The following SLC9A7 variants were observed in gnomAD, a reference collection of about 807,000 sequenced individuals.
SLC9A7 encodes sodium/hydrogen exchanger 7.
In SLC9A7, 19 loss-of-function variants were observed where a neutral mutation model predicts 52.6. The ratio of observed to expected loss-of-function variants is 0.36; its 90% CI spans 0.25 to 0.53. The LOEUF is 0.53. Ranked by LOEUF, SLC9A7 falls within the 20% of genes least tolerant of loss-of-function variation. The pLI is 0.91. For synonymous variants in SLC9A7, 226 were observed against 252.1 expected (o/e 0.90, Z 0.98); for missense variants, 455 against 597.9 (o/e 0.76, Z 2.49).
intron 5 of SLC9A7, among the ~76,000 whole-genome samples, chrX:46,663,774 A>G (rs1270474285): frequency 9.0e-6 from 1 of 110,966 alleles, no homozygotes; most frequent in Non-Finnish European, 1.9e-5. Flanking sequence ...AGCCAGACCA[A>G]CATGGAGAAA....
At chrX:46,625,713 C>CAAAAAAAAA (rs756504189) in intron 14 of SLC9A7, among the ~76,000 whole-genome samples, 1 of 45,103 alleles carries the variant, frequency 2.2e-5, no homozygotes, top group Non-Finnish European at 3.9e-5. Context: ...GTCTCTCTCT[C>CAAAAAAAAA]AAAAAAAAAA....
chrX:46,698,340 A>C (rs1944479697), intron 1 of SLC9A7, among the ~76,000 whole-genome samples: 1 of 111,434 alleles, frequency 9.0e-6, no homozygotes, highest in Non-Finnish European at 1.9e-5. Context: ...GCCCAGCTTT[A>C]AAATTTCTCT....
chrX:46,751,258 G>C (rs1237246700), intron 1 of SLC9A7, among the ~76,000 whole-genome samples: 1 of 111,249 alleles, frequency 9.0e-6, no homozygotes, highest in African/African-American at 3.3e-5. Context: ...CGTAGAGACA[G>C]CCACCTGCCA....
chrX:46,669,788 T>C lies in SLC9A7; in HGVS notation c.681-69A>G, dbSNP rs755138051. 1.2e-5 allele frequency: 6 copies of C among 502,734 alleles called. No individual in the cohort carries two copies. In the African/African-American group the frequency reaches 1.2e-4, roughly 10 times the overall value. 41.4% of individuals were successfully genotyped at this position (502,734 alleles called of 1,213,427 possible). On this transcript the variant is annotated intron_variant, in intron 4 of 16. Transcript: ENST00000616978. The stretch of plus-strand genomic sequence containing the variant: ...TAACTTAGCAAACACGCAAGCAGAA[T>C]AGCACTAGAATGCTGCTCTTAGAGA...
chrX:46,648,067 C>T lies in SLC9A7; in HGVS notation c.1462+619G>A, dbSNP rs1473724183. Among the ~76,000 whole-genome samples the T allele has an allele frequency of 3.6e-5, 4 of 112,495 alleles. No individual in the cohort carries two copies. The Admixed American group carries it at 3.7e-4, about 11-fold the overall frequency. On this transcript the variant is annotated intron_variant, in intron 11 of 16. Coordinates refer to ENST00000616978, the MANE Select transcript of SLC9A7 (RefSeq NM_001257291.2). ...AGCTTTCTTTATTGTCCTTTGTCCC[C>T]TCAGTGGCTTCTCCAGACTTCTCAG...
At chrX:46,642,121 C>CA (rs1943415298) in intron 12 of SLC9A7, among the ~76,000 whole-genome samples, 1 of 111,899 alleles carries the variant, frequency 8.9e-6, no homozygotes, top group Non-Finnish European at 1.9e-5. Context: ...AACATCTATA[C>CA]AAAAACCCCA....
At chrX:46,673,547 T>C (rs942177459) in intron 3 of SLC9A7, among the ~76,000 whole-genome samples, 3 of 112,001 alleles carry the variant, frequency 2.7e-5, no homozygotes, top group African/African-American at 6.5e-5. Context: ...ATCAGAACTA[T>C]TTAACAAAAA....
intron 1 of SLC9A7, among the ~76,000 whole-genome samples, chrX:46,727,482 C>T (rs1944963498): frequency 8.9e-6 from 1 of 112,318 alleles, no homozygotes; most frequent in African/African-American, 3.2e-5. Context: ...TCCTTATACA[C>T]ATGAAATATT....
intron 1 of SLC9A7, among the ~76,000 whole-genome samples, chrX:46,703,849 T>G (rs1453375755): frequency 8.9e-6 from 1 of 111,876 alleles, no homozygotes; most frequent in Non-Finnish European, 1.9e-5. Context: ...GGTTTATAAA[T>G]GTATCATAAT....
chrX:46,633,951 C>G (rs1028356182), intron 13 of SLC9A7, among the ~76,000 whole-genome samples: 3 of 111,474 alleles, frequency 2.7e-5, no homozygotes, highest in Non-Finnish European at 5.7e-5. Context: ...GGATTACAGG[C>G]GTGAGCCACC....
At chrX:46,688,187 T>C (rs1944325582) in intron 1 of SLC9A7, among the ~76,000 whole-genome samples, 1 of 112,304 alleles carries the variant, frequency 8.9e-6, no homozygotes, top group African/African-American at 3.2e-5. Context: ...CTAGAGTAGA[T>C]ACCTAGGAGT....
At chrX:46,730,334 G>A (rs893526480) in intron 1 of SLC9A7, among the ~76,000 whole-genome samples, 3 of 109,742 alleles carry the variant, frequency 2.7e-5, no homozygotes, top group African/African-American at 9.9e-5. Context: ...AGAAAATAAA[G>A]GAAATCTAGA....
chrX:46,652,219 C>T (rs1023541287), intron 8 of SLC9A7, among the ~76,000 whole-genome samples: 7 of 111,541 alleles, frequency 6.3e-5, no homozygotes, highest in Non-Finnish European at 1.3e-4. Context: ...GGCATGATCT[C>T]GGCTCACTGC....
Position 46,758,016 on chromosome X carries a change from T to C in SLC9A7, c.325+689A>G, listed in dbSNP as rs1378206518. Among the ~76,000 whole-genome samples the C allele has an allele frequency of 1.5e-4, 17 of 111,663 alleles. 1 individual carries two copies. Among genetic ancestry groups the C allele is most frequent in the Non-Finnish European group, 3.2e-4 (17 of 53,116 alleles). On this transcript the variant is annotated intron_variant, in intron 1 of 16. Coordinates refer to ENST00000616978, the MANE Select transcript of SLC9A7 (RefSeq NM_001257291.2). ...GTCTTAGGAATACAAAAGCTCCTCTTCGTTTGAGAAAGCAAGTAACTGGGT... is the reference window on the plus strand; with the variant it reads ...GTCTTAGGAATACAAAAGCTCCTCTCCGTTTGAGAAAGCAAGTAACTGGGT...
chrX:46,646,065 G>A (rs1943486306), intron 11 of SLC9A7, among the ~76,000 whole-genome samples: 1 of 111,764 alleles, frequency 8.9e-6, no homozygotes, highest in African/African-American at 3.3e-5. Context: ...TGGGGTCAGG[G>A]AGGAAACTGT....
chrX:46,720,580 A>G (rs1944844774), intron 1 of SLC9A7, among the ~76,000 whole-genome samples: 1 of 110,969 alleles, frequency 9.0e-6, no homozygotes, highest in African/African-American at 3.3e-5. Flanking sequence ...TCCATGGGAA[A>G]AAAAAAAATC....
intron 5 of SLC9A7, among the ~76,000 whole-genome samples, 183 bp downstream of exon 5, chrX:46,669,424 A>G (rs746601754): frequency 6.4e-5 from 7 of 109,685 alleles, no homozygotes; most frequent in Admixed American, 9.9e-5. Context: ...AAAAGGAAAA[A>G]GGAAAAGAAA....
intron 1 of SLC9A7, among the ~76,000 whole-genome samples, chrX:46,692,801 G>A (rs1757172213): frequency 9.0e-6 from 1 of 111,337 alleles, no homozygotes; most frequent in African/African-American, 3.3e-5. Context: ...TACAGACAGT[G>A]AGGGGGCTCA....
rs919407589 is a variant in SLC9A7 at position 46,602,263 on chromosome X, C to A, written c.*4689G>T. 8.0e-5 allele frequency: 9 copies of A among 111,845 alleles called. No homozygotes were observed. The highest frequency in any genetic ancestry group is 2.8e-4 in the Admixed American group (3 of 10,532). 9.2% of individuals were successfully genotyped at this position (111,845 alleles called of 1,213,427 possible). A position where few individuals can be genotyped will look rare whatever the true frequency, so the allele number is the denominator to read the frequency against. ...TCAGCTGTACTTTATGGAGTATGTT[C>A]TTGAGTTCTGCAAAGATTAGCATCA... On this transcript the variant is annotated 3_prime_UTR_variant, in exon 17 of 17. Transcript: ENST00000616978.
Sources: allele counts gnomAD v4.1 joint callset (sites outside exome capture counted in the v4.1 genomes callset), GRCh38; gene constraint gnomAD v4.1.1; transcripts MANE v1.5; gene names NCBI Gene and HGNC (gene_info 2026-07-23, HGNC 2026-07-21).